Variants in CLIC4 observed in about 807,000 individuals in gnomAD.
CLIC4 encodes the protein chloride intracellular channel protein 4.
A neutral mutation model predicts 24.6 loss-of-function variants in CLIC4; 13 were observed. The ratio of observed to expected loss-of-function variants is 0.53; its 90% CI spans 0.34 to 0.84. CLIC4 has a LOEUF of 0.84. Among genes scored for constraint, CLIC4 ranks in the 40% least tolerant of loss-of-function variants. The pLI is 0.01. For missense variants in CLIC4, 227 were observed against 301.7 expected, an observed-to-expected ratio of 0.75 and a Z score of 1.83; for synonymous variants, 104 against 111.3, an observed-to-expected ratio of 0.93 and a Z score of 0.41.
chr1:24,785,002 T>C (rs1271174338), intron 1 of CLIC4, among the ~76,000 whole-genome samples: 3 of 49,582 alleles, frequency 6.1e-5, no homozygotes, highest in Admixed American at 2.7e-4. Context: ...AGACTCTGTC[T>C]CAAAAAAAAA....
intron 1 of CLIC4, among the ~76,000 whole-genome samples, chr1:24,747,755 A>G (rs1399920392): frequency 3.3e-5 from 5 of 152,096 alleles, no homozygotes; most frequent in Admixed American, 6.6e-5. Context: ...ATAAGCTACT[A>G]TCGGGCCGGG....
chr1:24,786,154 C>A (rs893523326), intron 1 of CLIC4, among the ~76,000 whole-genome samples: 2 of 152,158 alleles, frequency 1.3e-5, no homozygotes, highest in Non-Finnish European at 2.9e-5. Context: ...CAGATCCTAA[C>A]TTCTCTCTTC....
intron 4 of CLIC4, among the ~76,000 whole-genome samples, chr1:24,831,236 T>C (rs999611856): frequency 6.6e-6 from 1 of 152,132 alleles, no homozygotes; most frequent in Non-Finnish European, 1.5e-5. Context: ...TTGAAAAAAA[T>C]TTATTTAAAT....
At chr1:24,763,733 C>G (rs533819327) in intron 1 of CLIC4, among the ~76,000 whole-genome samples, 54 of 152,214 alleles carry the variant, frequency 3.5e-4, no homozygotes, top group Non-Finnish European at 6.5e-4. Context: ...CCCATCTCTT[C>G]CATTCCCATT....
chr1:24,799,774 G>C, intron 2 of CLIC4, among the ~76,000 whole-genome samples: 1 of 116,334 alleles, frequency 8.6e-6, no homozygotes, highest in Non-Finnish European at 1.9e-5. Context: ...TGCCCGGCCA[G>C]CTGCCCCGTC....
chr1:24,768,536 T>G (rs1431921319), intron 1 of CLIC4, among the ~76,000 whole-genome samples: 2 of 147,448 alleles, frequency 1.4e-5, no homozygotes, highest in Non-Finnish European at 2.9e-5. Context: ...AAATGAAGTC[T>G]TCTAATTTTT....
chr1:24,837,342 G>A (rs1277366213), intron 4 of CLIC4, among the ~76,000 whole-genome samples: 1 of 152,064 alleles, frequency 6.6e-6, no homozygotes, highest in Non-Finnish European at 1.5e-5. Flanking sequence ...AAAGTACAGT[G>A]TAACAAAATT....
intron 3 of CLIC4, among the ~76,000 whole-genome samples, chr1:24,823,453 A>G (rs7412132): frequency 0.28 from 42,449 of 152,104 alleles, 7,179 homozygotes; most frequent in Non-Finnish European, 0.37. Context: ...GGGGCATGCT[A>G]TAAAATGTTA....
chr1:24,785,747 G>A (rs957884196), intron 1 of CLIC4, among the ~76,000 whole-genome samples: 1 of 151,094 alleles, frequency 6.6e-6, no homozygotes, highest in African/African-American at 2.4e-5. Flanking sequence ...AGCTACTTGG[G>A]AGGCTGAGGC....
chr1:24,838,385 C>T (rs1639906582), intron 4 of CLIC4, among the ~76,000 whole-genome samples: 1 of 152,144 alleles, frequency 6.6e-6, no homozygotes, highest in South Asian at 2.1e-4. Flanking sequence ...TCCGTTCATT[C>T]CTTTTTATGC....
At chr1:24,747,628 T>G (rs971180244) in intron 1 of CLIC4, among the ~76,000 whole-genome samples, 6 of 150,698 alleles carry the variant, frequency 4.0e-5, no homozygotes, top group African/African-American at 1.5e-4. Flanking sequence ...TTAAAAAAAA[T>G]TTTTACTGAG....
At chr1:24,817,737 A>G (rs1639686207) in intron 3 of CLIC4, among the ~76,000 whole-genome samples, 2 of 152,190 alleles carry the variant, frequency 1.3e-5, no homozygotes, top group Non-Finnish European at 2.9e-5. Flanking sequence ...AGCTTTCGAC[A>G]TGCTTTCCTC....
At chr1:24,824,632 A>G (rs560693103) in intron 3 of CLIC4, among the ~76,000 whole-genome samples, 39 of 152,278 alleles carry the variant, frequency 2.6e-4, no homozygotes, top group Admixed American at 3.9e-4. Flanking sequence ...TTTCTGGAAC[A>G]TAATTTCCTT....
chr1:24,776,743 C>T (rs1455502018), intron 1 of CLIC4, among the ~76,000 whole-genome samples: 2 of 152,044 alleles, frequency 1.3e-5, no homozygotes, highest in Admixed American at 1.3e-4. Context: ...GAAACCCTGT[C>T]TCTACCAAAA....
At chr1:24,753,299 C>T (rs774487958) in intron 1 of CLIC4, among the ~76,000 whole-genome samples, 12 of 152,142 alleles carry the variant, frequency 7.9e-5, no homozygotes, top group Non-Finnish European at 1.8e-4. Context: ...CCGGCATGAA[C>T]TAAGTGCTAA....
intron 1 of CLIC4, among the ~76,000 whole-genome samples, chr1:24,757,077 T>C (rs1638861716): frequency 6.6e-6 from 1 of 152,142 alleles, no homozygotes; most frequent in African/African-American, 2.4e-5. Context: ...GTATTTTTAG[T>C]AGAGATGGGG....
At chr1:24,798,736 G>A (rs992892025) in intron 2 of CLIC4, among the ~76,000 whole-genome samples, 1 of 152,224 alleles carries the variant, frequency 6.6e-6, no homozygotes, top group South Asian at 2.1e-4. Flanking sequence ...CCGCCATCTC[G>A]GCTCACTGCA....
chr1:24,818,745 G>A (rs185939895), intron 3 of CLIC4, among the ~76,000 whole-genome samples: 20 of 151,912 alleles, frequency 1.3e-4, no homozygotes, highest in African/African-American at 4.6e-4. Flanking sequence ...TTATGGTGGT[G>A]GGACGGGGAA....
At chr1:24,828,869 A>G (rs1010002083) in intron 4 of CLIC4, among the ~76,000 whole-genome samples, 1 of 152,222 alleles carries the variant, frequency 6.6e-6, no homozygotes, top group Non-Finnish European at 1.5e-5. Flanking sequence ...TACATAATCT[A>G]GAAGGCTTTA....
Sources: allele counts gnomAD v4.1 joint callset (sites outside exome capture counted in the v4.1 genomes callset), GRCh38; gene constraint gnomAD v4.1.1; transcripts MANE v1.5; gene names NCBI Gene and HGNC (gene_info 2026-07-23, HGNC 2026-07-21).